PSMB3: variants seen among roughly 807,000 people sequenced by gnomAD.
PSMB3 encodes proteasome subunit beta type-3.
In PSMB3, 5 loss-of-function variants were observed where a neutral mutation model predicts 23.3. That is an observed-to-expected ratio of 0.21 (90% CI 0.11 to 0.45). The LOEUF (loss-of-function observed/expected upper bound fraction) is 0.45, where lower values mean the gene tolerates loss of function less well. Among genes scored for constraint, PSMB3 ranks in the 20% least tolerant of loss-of-function variants. The pLI, the probability that PSMB3 is intolerant of heterozygous loss-of-function variation, is 0.99. For synonymous variants in PSMB3, 85 were observed against 99.8 expected, an observed-to-expected ratio of 0.85 and a Z score of 0.88; for missense variants, 192 against 277.9, an observed-to-expected ratio of 0.69 and a Z score of 2.20.
At chr17:38,760,661 A>T (rs1431099639) in intron 4 of PSMB3, 53 bp downstream of exon 4, 13 of 1,601,760 alleles carry the variant, frequency 8.1e-6, no homozygotes, top group Non-Finnish European at 1.0e-5. Context: ...ACCCTTGGTC[A>T]TTAGGAAAAA....
Position 38,752,793 on chromosome 17 carries a change from T to C in PSMB3, c.-34T>C. The C allele has an allele frequency of 3.7e-6, 6 of 1,613,970 alleles. No individual in the cohort carries two copies. Among genetic ancestry groups the C allele is most frequent in the Non-Finnish European group, 5.1e-6 (6 of 1,179,870 alleles). The stretch of plus-strand genomic sequence containing the variant: ...GCTAGACCCGGTTTACTGGAATTGC[T>C]CTGGCGATCGAGGGATCCTAGTACA... On this transcript the variant is annotated 5_prime_UTR_variant, in exon 1 of 6. Coordinates refer to ENST00000619426, the MANE Select transcript of PSMB3 (RefSeq NM_002795.4). The surrounding 1 kb of genome is among the most constrained non-coding windows in gnomAD (Gnocchi z 5.5).
At chr17:38,755,682 A>ATGTGTGTGTGTGTG (rs67600372) in intron 2 of PSMB3, among the ~76,000 whole-genome samples, 9 of 90,264 alleles carry the variant, frequency 1.0e-4, no homozygotes, top group East Asian at 9.9e-4. Context: ...ATATATATAT[A>ATGTGTGTGTGTGTG]TGTGTGTGTG....
At chr17:38,757,743 T>A (rs1887799496) in intron 3 of PSMB3, among the ~76,000 whole-genome samples, 1 of 152,038 alleles carries the variant, frequency 6.6e-6, no homozygotes, top group Admixed American at 6.6e-5. Context: ...TGAACCTGGG[T>A]GGTGGAGGTT....
Position 38,752,792 on chromosome 17 carries a change from C to T in PSMB3, c.-35C>T, listed in dbSNP as rs746114618. 1.2e-6 allele frequency: 2 copies of T among 1,613,958 alleles called. No individual in the cohort carries two copies. The highest frequency in any genetic ancestry group is 2.2e-5 in the East Asian group (1 of 44,888). On this transcript the variant is annotated 5_prime_UTR_variant, in exon 1 of 6. Transcript: ENST00000619426. The surrounding 1 kb of genome is among the most constrained non-coding windows in gnomAD (Gnocchi z 5.5). ...GGCTAGACCCGGTTTACTGGAATTG[C>T]TCTGGCGATCGAGGGATCCTAGTAC... is the stretch of plus-strand genomic sequence containing the variant.
chr17:38,763,497 CTTTTT>C (rs67563765), intron 5 of PSMB3, among the ~76,000 whole-genome samples: 36 of 76,060 alleles, frequency 4.7e-4, no homozygotes, highest in African/African-American at 1.3e-3. Flanking sequence ...CTTCTTCCCC[CTTTTT>C]TTTTTTTTTT....
At chr17:38,755,495 G>A (rs11658841) in intron 2 of PSMB3, 38,299 of 151,462 alleles carry the variant, frequency 0.25, 6,008 homozygotes, top group Middle Eastern at 0.4. Flanking sequence ...AATACAAAAA[G>A]TTAGCCGGGA....
In PSMB3 at chr17:38,753,233, G is replaced by T. The variant is rs1312618421; in HGVS notation, c.87G>T (p.Gly29=). Residue 29 remains glycine (G), a synonymous_variant, in exon 2 of 6, where the codon GGG becomes GGT. Transcript: ENST00000619426. ...CVAIAADRRF[G]IQAQMVTTDF... is the part of the protein sequence containing the mutation. ...CCATCGCTGCAGACAGGCGCTTCGG[G>T]ATCCAGGCCCAGATGGTGACCACGG... The T allele has an allele frequency of 4.3e-6, 7 of 1,614,128 alleles. No individual in the cohort carries two copies. In the African/African-American group the frequency reaches 8.0e-5, roughly 18 times the overall value.
In PSMB3 at chr17:38,752,766, A is replaced by C. The variant is rs925521664; in HGVS notation, c.-61A>C. ...AGCAGTGAGAGCGGTTGCGCAGTGA[A>C]GGCTAGACCCGGTTTACTGGAATTG... On this transcript the variant is annotated 5_prime_UTR_variant, in exon 1 of 6. Coordinates refer to ENST00000619426, the MANE Select transcript of PSMB3 (RefSeq NM_002795.4). This position sits in a 1 kb window ranked among gnomAD's most constrained non-coding sequence, Gnocchi z 5.5. The C allele has an allele frequency of 1.9e-6, 3 of 1,608,474 alleles. No individual in the cohort carries two copies. Among genetic ancestry groups the C allele is most frequent in the Admixed American group, 1.7e-5 (1 of 59,998 alleles).
At chr17:38,764,037 T>G in intron 5 of PSMB3, 82 bp from the exon 6 acceptor site, 2 of 1,552,066 alleles carry the variant, frequency 1.3e-6, no homozygotes, top group Non-Finnish European at 1.8e-6. Flanking sequence ...CTTGAGGGCT[T>G]GGTGCTGAGG....
chr17:38,753,360 A>C (rs1455194129), intron 2 of PSMB3, 26 bp downstream of exon 2: 1 of 1,603,606 alleles, frequency 6.2e-7, no homozygotes, highest in Non-Finnish European at 8.5e-7. Context: ...CCCCGCCCAC[A>C]CCCAGGCCTC....
chr17:38,764,025 G>C, intron 5 of PSMB3, 94 bp from the exon 6 acceptor site: 1 of 1,473,936 alleles, frequency 6.8e-7, no homozygotes, highest in Non-Finnish European at 9.4e-7. Flanking sequence ...CTTGCCGCAG[G>C]GCTTGAGGGC....
intron 5 of PSMB3, among the ~76,000 whole-genome samples, chr17:38,763,406 C>A (rs228282): frequency 0.78 from 118,276 of 151,742 alleles, 46,251 homozygotes; most frequent in Middle Eastern, 0.87. Flanking sequence ...TTACCACCGA[C>A]GGTTTTTTTT....
chr17:38,762,085 A>G (rs1908467650), intron 4 of PSMB3: 1 of 283,684 alleles, frequency 3.5e-6, no homozygotes, highest in Non-Finnish European at 6.6e-6. Context: ...GCTAAAGCAC[A>G]CTGGAGCTAA....
intron 4 of PSMB3, 134 bp from the exon 5 acceptor site, chr17:38,762,277 G>A (rs1216996942): frequency 1.1e-5 from 8 of 717,356 alleles, no homozygotes; most frequent in East Asian, 2.6e-5. Context: ...CCCACATCCT[G>A]GGAATCATCC....
At chr17:38,761,898 T>TA (rs1908459293) in intron 4 of PSMB3, among the ~76,000 whole-genome samples, 1 of 152,204 alleles carries the variant, frequency 6.6e-6, no homozygotes, top group Middle Eastern at 3.4e-3. Flanking sequence ...CAAGGGGACT[T>TA]AGTCACTTAA....
intron 3 of PSMB3, among the ~76,000 whole-genome samples, chr17:38,757,034 AT>A (rs35172699): frequency 0.033 from 2,172 of 65,622 alleles, 77 homozygotes; most frequent in African/African-American, 0.13. Flanking sequence ...CACCTGGCTA[AT>A]TTTTTTTTTT....
In PSMB3 at chr17:38,764,168, C is replaced by T. The variant is rs1908581967; in HGVS notation, c.*1C>T. ...GACACTGAAGGCCCGAATGGACTAA[C>T]CCTGTTCCCAGAGCCCACTTTTTTT... On this transcript the variant is annotated 3_prime_UTR_variant, in exon 6 of 6. Coordinates refer to ENST00000619426, the MANE Select transcript of PSMB3 (RefSeq NM_002795.4). 1 of 1,614,006 alleles carries T rather than the reference C, an allele frequency of 6.2e-7. No homozygotes were observed. Among genetic ancestry groups the T allele is most frequent in the African/African-American group, 1.3e-5 (1 of 74,938 alleles).
intron 3 of PSMB3, among the ~76,000 whole-genome samples, chr17:38,756,502 TC>T (rs1908202766): frequency 6.6e-6 from 1 of 152,022 alleles, no homozygotes; most frequent in Non-Finnish European, 1.5e-5. Context: ...GCTCTCTTTT[TC>T]TTTTTTTTTT....
At chr17:38,754,663 C>T (rs1301259490) in intron 2 of PSMB3, among the ~76,000 whole-genome samples, 1 of 152,188 alleles carries the variant, frequency 6.6e-6, no homozygotes, top group Non-Finnish European at 1.5e-5. Context: ...GCAGTCACTG[C>T]TGTTCTCACA....
Sources: allele counts gnomAD v4.1 joint callset (sites outside exome capture counted in the v4.1 genomes callset), GRCh38; gene constraint gnomAD v4.1.1; non-coding constraint Gnocchi (gnomAD v3.1); transcripts MANE v1.5; gene names NCBI Gene and HGNC (gene_info 2026-07-23, HGNC 2026-07-21).